STRADA: variants seen among roughly 807,000 people sequenced by gnomAD.
STRADA encodes STE20 related adaptor alpha, also known as STE20-related kinase adapter protein alpha.
Under a neutral mutation model 55.0 loss-of-function variants are expected in STRADA, and 26 were observed. The observed-to-expected ratio is 0.47, with a 90% confidence interval of 0.35 to 0.66. The LOEUF is 0.66. STRADA is among the 30% of genes least tolerant of loss of function. The pLI is 0.01. For missense variants in STRADA, 443 were observed against 549.7 expected, an observed-to-expected ratio of 0.81 and a Z score of 1.94; for synonymous variants, 197 against 210.9, an observed-to-expected ratio of 0.93 and a Z score of 0.57.
intron 10 of STRADA, chr17:63,705,328 G>A (rs1457983791): frequency 9.2e-6 from 2 of 217,896 alleles, no homozygotes. Flanking sequence ...TGGCTCCCAC[G>A]CTAGACAGTG....
intron 11 of STRADA, 137 bp from the exon 12 acceptor site, chr17:63,704,184 A>G: frequency 6.6e-7 from 1 of 1,520,378 alleles, no homozygotes; most frequent in Admixed American, 2.1e-5. Flanking sequence ...AGAGCTCCCC[A>G]GGCTGGCCTC....
chr17:63,734,264 G>A (rs1367195568), intron 1 of STRADA, among the ~76,000 whole-genome samples: 1 of 152,200 alleles, frequency 6.6e-6, no homozygotes, highest in Non-Finnish European at 1.5e-5. Flanking sequence ...ACTTGTCACT[G>A]TTTTCAATAA....
At position 63,720,027 on chromosome 17, in the gene STRADA, C is replaced by CT. The variant is rs923865178; in HGVS notation, c.123+3270dup. 6.3e-3 allele frequency among the ~76,000 whole-genome samples: 908 copies of CT among 143,720 alleles called. 3 individuals carry two copies. Among genetic ancestry groups the CT allele is most frequent in the Middle Eastern group, 0.025 (7 of 280 alleles). 94.3% of individuals were successfully genotyped at this position (143,720 alleles called of 152,430 possible). A position where few individuals can be genotyped will look rare whatever the true frequency, so the allele number is the denominator to read the frequency against. On this transcript the variant is annotated intron_variant, in intron 4 of 12. Coordinates refer to ENST00000336174, the MANE Select transcript of STRADA (RefSeq NM_001003787.4). ...AGTTTTAGAAAATAAAATTCTTTTTCTTTTTTTTTTTTGAGACAGGGTCTC... is the reference window on the plus strand; with the variant it reads ...AGTTTTAGAAAATAAAATTCTTTTTCTTTTTTTTTTTTTGAGACAGGGTCTC...
chr17:63,738,522 A>C (rs908156929), intron 1 of STRADA, among the ~76,000 whole-genome samples: 1 of 152,060 alleles, frequency 6.6e-6, no homozygotes, highest in African/African-American at 2.4e-5. Flanking sequence ...TGTTGTTTAG[A>C]ATTACAGAAG....
chr17:63,712,077 T>C (rs1312507431), intron 6 of STRADA, among the ~76,000 whole-genome samples: 1 of 152,050 alleles, frequency 6.6e-6, no homozygotes, highest in East Asian at 1.9e-4. Flanking sequence ...TAACCACCAA[T>C]TCAGAAAAAG....
At chr17:63,736,421 A>T (rs1308117483) in intron 1 of STRADA, among the ~76,000 whole-genome samples, 1 of 151,730 alleles carries the variant, frequency 6.6e-6, no homozygotes, top group African/African-American at 2.4e-5. Flanking sequence ...TGAGGTCAGG[A>T]GTTTGAGACC....
At chr17:63,714,192 G>T in intron 4 of STRADA, 84 bp from the exon 5 acceptor site, 1 of 949,990 alleles carries the variant, frequency 1.1e-6, no homozygotes, top group Non-Finnish European at 1.7e-6. Flanking sequence ...TCAGACCCAC[G>T]AGGAGACTGG....
chr17:63,704,381 G>A lies in STRADA; in HGVS notation c.1060C>T (p.His354Tyr), dbSNP rs936534513. Residue 354 changes from histidine to tyrosine, a missense_variant, in exon 11 of 13, where the codon CAC (histidine) becomes TAC (tyrosine). Coordinates refer to ENST00000336174, the MANE Select transcript of STRADA (RefSeq NM_001003787.4). ...YHRTFSPHFHHFVEQCLQRNP... is the reference protein window; with the variant it reads ...YHRTFSPHFHYFVEQCLQRNP... ...CGCTGAAGGCACTGCTCCACAAAGT[G>A]GTGGAAGTGGGGGGAGAAGGTTCGG... 6.2e-7 allele frequency: 1 copy of A among 1,612,864 alleles called. No homozygotes were observed. The highest frequency in any genetic ancestry group is 1.3e-5 in the African/African-American group (1 of 74,910).
rs758705934 is a variant in STRADA, at chr17:63,710,807, G to A, written c.378C>T (p.Asn126=). The A allele has an allele frequency of 1.2e-6, 2 of 1,614,196 alleles. No individual in the cohort carries two copies. Among genetic ancestry groups the A allele is most frequent in the Admixed American group, 1.7e-5 (1 of 60,032 alleles). Residue 126 remains asparagine, a synonymous_variant, in exon 7 of 13, where the codon AAC becomes AAT. Coordinates refer to ENST00000336174, the MANE Select transcript of STRADA (RefSeq NM_001003787.4). ...CTCGATATGGCACGATATTGGGATGGTTGAAGAGTTTGGAGACATGCAGCT... is the reference window on the plus strand; with the variant it reads ...CTCGATATGGCACGATATTGGGATGATTGAAGAGTTTGGAGACATGCAGCT... ...QGELHVSKLF[N]HPNIVPYRAT...
chr17:63,726,557 T>A, intron 3 of STRADA, 81 bp downstream of exon 3: 1 of 1,368,002 alleles, frequency 7.3e-7, no homozygotes, highest in Non-Finnish European at 1.0e-6. Context: ...GAATTGCCAA[T>A]TGCTATAGAT....
At chr17:63,741,180 C>T (rs558457618) in intron 1 of STRADA, 2 of 152,328 alleles carry the variant, frequency 1.3e-5, no homozygotes, top group South Asian at 4.1e-4. Flanking sequence ...ACTGCCCCTC[C>T]CTCGAGCTCT....
chr17:63,716,095 GTT>G (rs536853800), intron 4 of STRADA, among the ~76,000 whole-genome samples: 14 of 134,892 alleles, frequency 1.0e-4, no homozygotes, highest in Admixed American at 2.3e-4. Context: ...AACGTACGTG[GTT>G]TTTTTTTTTT....
At chr17:63,707,748 T>C (rs1392144840) in intron 8 of STRADA, among the ~76,000 whole-genome samples, 1 of 151,678 alleles carries the variant, frequency 6.6e-6, no homozygotes, top group African/African-American at 2.4e-5. Context: ...CTTTTTTTTT[T>C]GAGACGGAGT....
intron 4 of STRADA, among the ~76,000 whole-genome samples, chr17:63,722,690 C>T (rs767375696): frequency 2.0e-5 from 3 of 152,224 alleles, no homozygotes; most frequent in Non-Finnish European, 2.9e-5. Context: ...TTATAAGACA[C>T]TGATTCATAT....
chr17:63,704,874 A>G, intron 10 of STRADA: 8 of 1,536,092 alleles, frequency 5.2e-6, no homozygotes, highest in Non-Finnish European at 7.0e-6. Flanking sequence ...TCCCTTTCCA[A>G]GGCATCAAAT....
chr17:63,704,246 A>T, intron 11 of STRADA, 95 bp downstream of exon 11: 4 of 1,564,086 alleles, frequency 2.6e-6, no homozygotes, highest in African/African-American at 1.3e-5. Flanking sequence ...ATTCCCCTGC[A>T]GAACCTTTGG....
chr17:63,739,750 C>T (rs1040478688), intron 1 of STRADA, among the ~76,000 whole-genome samples: 1 of 98,582 alleles, frequency 1.0e-5, no homozygotes, highest in Non-Finnish European at 1.9e-5. Context: ...CATATTGATA[C>T]ATTATATATT....
intron 1 of STRADA, among the ~76,000 whole-genome samples, chr17:63,735,573 A>G (rs1207314408): frequency 6.6e-6 from 1 of 152,254 alleles, no homozygotes; most frequent in Admixed American, 6.5e-5. Context: ...TTAAGATTTT[A>G]GAATCTCACC....
chr17:63,730,077 C>T (rs1276389271), intron 1 of STRADA, among the ~76,000 whole-genome samples: 1 of 152,032 alleles, frequency 6.6e-6, no homozygotes, highest in Admixed American at 6.6e-5. Flanking sequence ...TTCAGATGAT[C>T]CACCCGCCTC....
Sources: allele counts gnomAD v4.1 joint callset (sites outside exome capture counted in the v4.1 genomes callset), GRCh38; gene constraint gnomAD v4.1.1; transcripts MANE v1.5; gene names NCBI Gene and HGNC (gene_info 2026-07-23, HGNC 2026-07-21).